LRP1: variants seen among roughly 807,000 people sequenced by gnomAD.
The protein encoded by LRP1 is prolow-density lipoprotein receptor-related protein 1.
In LRP1, 51 loss-of-function variants were observed where a neutral mutation model predicts 541.5. The ratio of observed to expected loss-of-function variants is 0.09; its 90% confidence interval spans 0.08 to 0.12. The LOEUF (loss-of-function observed/expected upper bound fraction) is 0.12. Among genes scored for constraint, LRP1 ranks in the 10% least tolerant of loss-of-function variants. The pLI is 1.00. For missense variants in LRP1, 3,878 were observed against 6,376.2 expected (o/e 0.61, Z 13.34); for synonymous variants, 2,219 against 2,470.8 (o/e 0.90, Z 3.02).
At chr12:57,192,506 G>A (rs1405028083) in intron 44 of LRP1, among the ~76,000 whole-genome samples, 1 of 152,124 alleles carries the variant, frequency 6.6e-6, no homozygotes, top group Non-Finnish European at 1.5e-5. Context: ...CAGACCTGCA[G>A]CTTTCCCAGG....
At chr12:57,195,608 C>A in intron 52 of LRP1, 50 bp from the exon 53 acceptor site, 1 of 1,612,878 alleles carries the variant, frequency 6.2e-7, no homozygotes, top group South Asian at 1.1e-5. Context: ...GAGGGACGGT[C>A]GGCCGCTGGC....
rs1361817930 is a variant in LRP1, at chr12:57,173,169, C to T, written c.3165C>T (p.Ala1055=). 1 of 1,604,000 alleles carries T rather than the reference C, an allele frequency of 6.2e-7. No homozygotes were observed. The highest frequency in any genetic ancestry group is 8.5e-7 in the Non-Finnish European group (1 of 1,173,878). The change falls in exon 21 of 89, where the codon GCC becomes GCT. Residue 1055 remains alanine (A), a splice_region_variant and synonymous_variant. Transcript: ENST00000243077. This position sits in a 1 kb window ranked among gnomAD's most constrained non-coding sequence, Gnocchi z 4.7. ...AGGCCCTCCACTGTCCCTCTGCAGCCACGAGGCCCCCTGGTGGCTGCCACA... is the reference window on the plus strand; with the variant it reads ...AGGCCCTCCACTGTCCCTCTGCAGCTACGAGGCCCCCTGGTGGCTGCCACA... ...DETHANCTNQ[A]TRPPGGCHTD... is the part of the protein sequence containing the mutation.
intron 41 of LRP1, among the ~76,000 whole-genome samples, chr12:57,186,170 CA>C (rs1311114826): frequency 6.6e-6 from 1 of 152,184 alleles, no homozygotes; most frequent in African/African-American, 2.4e-5. Context: ...CCAACGCTCA[CA>C]AACCCAGGCT....
In LRP1 at chr12:57,128,764, C is replaced by T. The variant is rs1273998003; in HGVS notation, c.-201C>T. 4.3e-6 allele frequency: 2 copies of T among 460,324 alleles called. No individual in the cohort carries two copies. Among genetic ancestry groups the T allele is most frequent in the Non-Finnish European group, 7.8e-6 (2 of 254,924 alleles). 28.5% of individuals were successfully genotyped at this position (460,324 alleles called of 1,614,324 possible). A position where few individuals can be genotyped will look rare whatever the true frequency, so the allele number is the denominator to read the frequency against. On this transcript the variant is annotated 5_prime_UTR_variant, in exon 1 of 89. Coordinates refer to ENST00000243077, the MANE Select transcript of LRP1 (RefSeq NM_002332.3). The stretch of plus-strand genomic sequence containing the variant: ...TGGATTTCGGGGCAGGGGGCGCACC[C>T]CCGTCAGCAGGCCCTCCCCAAGGGG...
At chr12:57,155,747 G>A (rs560869219) in intron 8 of LRP1, among the ~76,000 whole-genome samples, 14 of 152,190 alleles carry the variant, frequency 9.2e-5, no homozygotes, top group African/African-American at 2.9e-4. Context: ...CTCGGAGGTC[G>A]AGACCAGCCT....
At chr12:57,149,372 C>T (rs2035481520) in intron 6 of LRP1, 2 of 517,362 alleles carry the variant, frequency 3.9e-6, no homozygotes, top group Admixed American at 7.0e-5. Context: ...CTCTCCTGGC[C>T]CGGGCCAGCC....
intron 42 of LRP1, among the ~76,000 whole-genome samples, chr12:57,188,451 C>T (rs999623687): frequency 5.3e-5 from 8 of 152,186 alleles, no homozygotes; most frequent in Non-Finnish European, 7.4e-5. Context: ...TCCAACCTGG[C>T]TCAAGGACCC....
chr12:57,184,536 G>A lies in LRP1; in HGVS notation c.6186+84G>A. ...CCCTGTGATGAGCCCATTCTGGGAG[G>A]ACTTGGAGCCCAGGGGAAGTCACAG... On this transcript the variant is annotated intron_variant, in intron 38 of 88. Coordinates refer to ENST00000243077, the MANE Select transcript of LRP1 (RefSeq NM_002332.3). The surrounding 1 kb of genome is among the most constrained non-coding windows in gnomAD (Gnocchi z 7.8). The A allele has an allele frequency of 1.3e-6, 2 of 1,566,170 alleles. 1 individual carries two copies. The highest frequency in any genetic ancestry group is 3.6e-5 in the Admixed American group (2 of 55,988).
chr12:57,205,394 G>A lies in LRP1; in HGVS notation c.11379G>A (p.Gly3793=). 6.2e-7 allele frequency: 1 copy of A among 1,608,680 alleles called. No individual in the cohort carries two copies. Residue 3793 remains glycine (G), a synonymous_variant, in exon 74 of 89, where the codon GGG becomes GGA. Coordinates refer to ENST00000243077, the MANE Select transcript of LRP1 (RefSeq NM_002332.3). The surrounding 1 kb of genome is among the most constrained non-coding windows in gnomAD (Gnocchi z 4.6). ...TSCATNASIC[G]DEARCVRTEK... is the part of the protein sequence containing the mutation. ...GCGCCACCAATGCCAGCATCTGTGG[G>A]GACGAGGCACGCTGCGTGCGCACCG...
At chr12:57,195,151 C>G (rs760396028) in intron 51 of LRP1, 50 bp downstream of exon 51, 1 of 1,596,134 alleles carries the variant, frequency 6.3e-7, no homozygotes, top group East Asian at 2.2e-5. Context: ...GAGGGACAGA[C>G]CCCACCCAAC....
chr12:57,180,731 C>T lies in LRP1; in HGVS notation c.5451C>T (p.Gly1817=). 6.2e-7 allele frequency: 1 copy of T among 1,614,090 alleles called. No individual in the cohort carries two copies. Among genetic ancestry groups the T allele is most frequent in the Non-Finnish European group, 8.5e-7 (1 of 1,179,936 alleles). The change falls in exon 33 of 89, where the codon GGC becomes GGT. Residue 1817 remains glycine, a synonymous_variant. Coordinates refer to ENST00000243077, the MANE Select transcript of LRP1 (RefSeq NM_002332.3). ...TGGGCACATGCAGCAAGGCTGACGG[C>T]TCGGGCTCCGTGGTCCTTCGGAACA... The part of the protein sequence containing the change: ...EKMGTCSKAD[G]SGSVVLRNST...
At chr12:57,193,062 C>G (rs554769627) in intron 45 of LRP1, 92 bp downstream of exon 45, 4 of 1,585,766 alleles carry the variant, frequency 2.5e-6, no homozygotes, top group Middle Eastern at 1.7e-4. Context: ...CCCAGCCCCC[C>G]AAAGCCTTTT....
Position 57,179,684 on chromosome 12 carries a change from G to A in LRP1, c.4967-98G>A, listed in dbSNP as rs1347759302. 7.1e-7 allele frequency: 1 copy of A among 1,415,848 alleles called. No individual in the cohort carries two copies. Among genetic ancestry groups the A allele is most frequent in the African/African-American group, 1.4e-5 (1 of 71,348 alleles). The allele number at this position is 1,415,848 out of a possible 1,614,324, so 87.7% of individuals were successfully genotyped here. On this transcript the variant is annotated intron_variant, in intron 29 of 88. Transcript: ENST00000243077. This position sits in a 1 kb window ranked among gnomAD's most constrained non-coding sequence, Gnocchi z 6.8. ...CTGTTCCCCCTCAGTGCTCCAGCCTGGTTTCCTGATCCCTTTTCTCCAGAA... is the reference window on the plus strand; with the variant it reads ...CTGTTCCCCCTCAGTGCTCCAGCCTAGTTTCCTGATCCCTTTTCTCCAGAA...
In LRP1 at chr12:57,197,591, T is replaced by C. The variant is rs771501598; in HGVS notation, c.9209T>C (p.Met3070Thr). ...TTGGATTTTGACTACCGAGAGCAGA[T>C]GATCTACTGGACAGATGTGACCACC... is the stretch of plus-strand genomic sequence containing the variant. ...VALDFDYREQMIYWTDVTTQG... is the reference protein window; with the variant it reads ...VALDFDYREQTIYWTDVTTQG... The change falls in exon 58 of 89, where the codon ATG (methionine) becomes ACG (threonine). Residue 3070 changes from methionine to threonine, a missense_variant. By Grantham distance (81) the Met-to-Thr change is moderately conservative (BLOSUM62 -1). This residue lies in a region of LRP1 where 1,100 missense variants were observed against 1,827.4 expected (regional missense o/e 0.60). Coordinates refer to ENST00000243077, the MANE Select transcript of LRP1 (RefSeq NM_002332.3). The surrounding 1 kb of genome is among the most constrained non-coding windows in gnomAD (Gnocchi z 4.5). The C allele has an allele frequency of 2.5e-6, 4 of 1,613,754 alleles. No individual in the cohort carries two copies. The South Asian group carries it at 4.4e-5, about 18-fold the overall frequency.
chr12:57,205,013 C>T lies in LRP1; in HGVS notation c.11195-96C>T. 6.6e-7 allele frequency: 1 copy of T among 1,506,704 alleles called. No individual in the cohort carries two copies. The allele number at this position is 1,506,704 out of a possible 1,614,324, so 93.3% of individuals were successfully genotyped here. ...GACCTGCTCCCCCTGCAAGCCTTGT[C>T]ACTTAGGAATTGGGAGCCACTGTTA... On this transcript the variant is annotated intron_variant, in intron 72 of 88. Transcript: ENST00000243077. This position sits in a 1 kb window ranked among gnomAD's most constrained non-coding sequence, Gnocchi z 4.6.
intron 2 of LRP1, among the ~76,000 whole-genome samples, chr12:57,138,831 G>T (rs944011125): frequency 1.3e-5 from 2 of 152,320 alleles, no homozygotes; most frequent in East Asian, 3.9e-4. Flanking sequence ...TGTTCTCTGG[G>T]CTGACAGCTT....
intron 76 of LRP1, among the ~76,000 whole-genome samples, chr12:57,207,237 G>T (rs1264818171): frequency 4.6e-5 from 6 of 130,436 alleles, no homozygotes; most frequent in Admixed American, 8.1e-5. Flanking sequence ...AGTGAGACTC[G>T]GTCTCTAAAT....
At chr12:57,161,907 C>T (rs1330099091) in intron 13 of LRP1, among the ~76,000 whole-genome samples, 1 of 152,132 alleles carries the variant, frequency 6.6e-6, no homozygotes, top group Non-Finnish European at 1.5e-5. Flanking sequence ...TACAGCTCAG[C>T]CCCTAACAGA....
chr12:57,204,245 G>A lies in LRP1; in HGVS notation c.10952-165G>A. On this transcript the variant is annotated intron_variant, in intron 70 of 88. Transcript: ENST00000243077. The surrounding 1 kb of genome is among the most constrained non-coding windows in gnomAD (Gnocchi z 5.3). ...GCCTCTTCTCCCCTAAATACCAGAGGGGGCAGTTTGGCCCCACCAAGTAGA... is the reference window on the plus strand; with the variant it reads ...GCCTCTTCTCCCCTAAATACCAGAGAGGGCAGTTTGGCCCCACCAAGTAGA... 1 of 752,622 alleles carries A rather than the reference G, an allele frequency of 1.3e-6. No individual in the cohort carries two copies. The highest frequency in any genetic ancestry group is 2.8e-5 in the South Asian group (1 of 36,044). The allele number at this position is 752,622 out of a possible 1,614,324, so 46.6% of individuals were successfully genotyped here.
Sources: gnomAD v4.1 joint callset for allele counts (sites outside exome capture counted in the v4.1 genomes callset) on GRCh38, gnomAD v4.1.1 for gene constraint, gnomAD v4.1.1 regional missense constraint, Gnocchi (gnomAD v3.1) non-coding constraint, MANE v1.5 for transcripts, NCBI Gene and HGNC (gene_info 2026-07-23, HGNC 2026-07-21) for gene names.